Variants in FAM131C observed in about 807,000 individuals in gnomAD.
The protein encoded by FAM131C is protein FAM131C.
Under a neutral mutation model 29.8 loss-of-function variants are expected in FAM131C, and 14 were observed. That is an observed-to-expected ratio of 0.47 (90% CI 0.31 to 0.73). FAM131C has a LOEUF of 0.73. Among genes scored for constraint, FAM131C ranks in the 30% least tolerant of loss-of-function variants. FAM131C has a pLI of 0.05. For missense variants in FAM131C, 252 were observed against 383.8 expected (o/e 0.66, Z 2.87); for synonymous variants, 86 against 157.8 (o/e 0.54, Z 3.41).
chr1:16,068,164 GT>G (rs1245108855), intron 1 of FAM131C, among the ~76,000 whole-genome samples: 1 of 152,240 alleles, frequency 6.6e-6, no homozygotes, highest in Non-Finnish European at 1.5e-5. Context: ...CAGCTGTGAT[GT>G]GCCGGGCTCT....
chr1:16,063,909 A>C (rs545741799), intron 1 of FAM131C, among the ~76,000 whole-genome samples: 1 of 151,084 alleles, frequency 6.6e-6, no homozygotes, highest in African/African-American at 2.4e-5. Flanking sequence ...CCTCGTGGAG[A>C]TCTTTAATCC....
chr1:16,059,486 G>A lies in FAM131C; in HGVS notation c.562+8C>T, dbSNP rs559072387. 1,243 of 1,611,048 alleles carry A rather than the reference G, an allele frequency of 7.7e-4. No individual in the cohort carries two copies. The highest frequency in any genetic ancestry group is 1.0e-3 in the Non-Finnish European group (1,182 of 1,178,638). Reference sequence around the variant, plus strand: ...CCACCCCCGCCCCCTGGACCCTCTGGGCTGTACCTTGGAGCTGGACGATGC... The same window carrying A: ...CCACCCCCGCCCCCTGGACCCTCTGAGCTGTACCTTGGAGCTGGACGATGC... On this transcript the variant is annotated splice_region_variant and intron_variant, in intron 6 of 6. Transcript: ENST00000375662.
intron 1 of FAM131C, among the ~76,000 whole-genome samples, chr1:16,072,444 T>A (rs1355661402): frequency 5.9e-5 from 9 of 152,162 alleles, no homozygotes; most frequent in Middle Eastern, 3.4e-3. Context: ...GTCAGTGGGT[T>A]TGGCCTCAGC....
rs765449697 is a variant in FAM131C, at chr1:16,059,636, G to T, written c.452-32C>A. 3 of 1,542,900 alleles carry T rather than the reference G, an allele frequency of 1.9e-6. No homozygotes were observed. The South Asian group carries it at 3.6e-5, about 18-fold the overall frequency. On this transcript the variant is annotated intron_variant, in intron 5 of 6. Coordinates refer to ENST00000375662, the MANE Select transcript of FAM131C (RefSeq NM_182623.3). ...GAACAGCGAGATCCAGCTCAGGGGGGCATGGGTGGGGACGGCCTCAGTGCC... is the reference window on the plus strand; with the variant it reads ...GAACAGCGAGATCCAGCTCAGGGGGTCATGGGTGGGGACGGCCTCAGTGCC...
At chr1:16,071,694 G>T (rs1430255156) in intron 1 of FAM131C, among the ~76,000 whole-genome samples, 2 of 152,216 alleles carry the variant, frequency 1.3e-5, no homozygotes, top group Admixed American at 6.5e-5. Context: ...GCAGAAGGAA[G>T]GGTGGAGAGA....
In FAM131C at chr1:16,067,396, C is replaced by G. The variant is rs140186993; in HGVS notation, c.23-3760G>C. On this transcript the variant is annotated intron_variant, in intron 1 of 6. Coordinates refer to ENST00000375662, the MANE Select transcript of FAM131C (RefSeq NM_182623.3). ...GGAGGCAGCCCGAAGGGACCGCTAG[C>G]ACCTGCTCCTGTGGCTCCCTCTCCC... Among the ~76,000 whole-genome samples the G allele has an allele frequency of 4.2e-3, 633 of 152,294 alleles. 7 individuals are homozygous for G. Among genetic ancestry groups the G allele is most frequent in the African/African-American group, 0.014 (596 of 41,566 alleles).
chr1:16,063,595 C>G lies in FAM131C; in HGVS notation c.64G>C (p.Gly22Arg). ...SAHKNCPMPQ[G>R]ADPLNPDLPS... Reference sequence around the variant, plus strand: ...AGATCTGGGTTCAAGGGGTCCGCACCCTGGGGCATGGGGCAGTTCTTGTGG... The same window carrying G: ...AGATCTGGGTTCAAGGGGTCCGCACGCTGGGGCATGGGGCAGTTCTTGTGG... The change falls in exon 2 of 7, where the codon GGT (glycine) becomes CGT (arginine). Residue 22 changes from glycine (G) to arginine (R), a missense_variant. By Grantham distance (125) the Gly-to-Arg change is moderately radical (BLOSUM62 -2). Transcript: ENST00000375662. 2 of 1,613,442 alleles carry G rather than the reference C, an allele frequency of 1.2e-6. No homozygotes were observed. The highest frequency in any genetic ancestry group is 1.7e-6 in the Non-Finnish European group (2 of 1,179,682).
chr1:16,059,462 C>A, intron 6 of FAM131C, 32 bp downstream of exon 6: 1 of 1,583,886 alleles, frequency 6.3e-7, no homozygotes, highest in Non-Finnish European at 8.6e-7. Flanking sequence ...CCACTCTGCC[C>A]ACCCCCGCCC....
At chr1:16,060,992 G>A (rs559734607) in intron 4 of FAM131C, among the ~76,000 whole-genome samples, 31 of 152,260 alleles carry the variant, frequency 2.0e-4, no homozygotes, top group Non-Finnish European at 2.1e-4. Flanking sequence ...TGTTGTATGC[G>A]GAAGATGGAG....
chr1:16,059,473 C>A lies in FAM131C; in HGVS notation c.562+21G>T. The A allele has an allele frequency of 1.9e-6, 3 of 1,610,784 alleles. No individual in the cohort carries two copies. The East Asian group carries it at 6.7e-5, about 36-fold the overall frequency. ...AGCTCCACTCTGCCCACCCCCGCCC[C>A]CTGGACCCTCTGGGCTGTACCTTGG... On this transcript the variant is annotated intron_variant, in intron 6 of 6. Transcript: ENST00000375662.
intron 1 of FAM131C, among the ~76,000 whole-genome samples, chr1:16,070,618 C>G (rs767503435): frequency 3.9e-5 from 6 of 152,050 alleles, no homozygotes; most frequent in Non-Finnish European, 8.8e-5. Flanking sequence ...ATAGTGAGAG[C>G]CTGTCTCTAT....
chr1:16,067,381 C>T (rs371598440), intron 1 of FAM131C, among the ~76,000 whole-genome samples: 9 of 152,226 alleles, frequency 5.9e-5, no homozygotes, highest in South Asian at 2.1e-4. Flanking sequence ...GGAGGCAGCC[C>T]GAAGGGACCG....
intron 6 of FAM131C, 60 bp from the exon 7 acceptor site, chr1:16,058,777 T>TG: frequency 1.4e-6 from 2 of 1,425,032 alleles, no homozygotes; most frequent in East Asian, 2.4e-5. Context: ...TCGCCCTCTC[T>TG]GGGGGTGTGA....
chr1:16,063,282 G>T (rs2023629457), intron 2 of FAM131C, among the ~76,000 whole-genome samples: 1 of 152,072 alleles, frequency 6.6e-6, no homozygotes, highest in Non-Finnish European at 1.5e-5. Flanking sequence ...GAGTTAATTT[G>T]CGCAGGAAGA....
At chr1:16,059,723 C>G in intron 5 of FAM131C, 119 bp from the exon 6 acceptor site, 1 of 603,570 alleles carries the variant, frequency 1.7e-6, no homozygotes, top group Non-Finnish European at 2.0e-6. Flanking sequence ...CAATCCACAC[C>G]CCAGTGGTCA....
At position 16,063,456 on chromosome 1, in the gene FAM131C, T is replaced by G. The variant is rs920908009; in HGVS notation, c.138+65A>C. The G allele has an allele frequency of 4.8e-6, 6 of 1,259,646 alleles. No individual in the cohort carries two copies. In the African/African-American group the frequency reaches 8.9e-5, roughly 19 times the overall value. The allele number at this position is 1,259,646 out of a possible 1,614,324, so 78.0% of individuals were successfully genotyped here. ...GGAGACTGGAATGGATTCTGCTCCC[T>G]GCGGGGAGGAGACAGGCCGGGAACC... is the stretch of plus-strand genomic sequence containing the variant. On this transcript the variant is annotated intron_variant, in intron 2 of 6. Transcript: ENST00000375662.
At chr1:16,062,669 C>T (rs2023619560) in intron 2 of FAM131C, 135 bp from the exon 3 acceptor site, 1 of 1,324,232 alleles carries the variant, frequency 7.6e-7, no homozygotes. Context: ...TCTGCCCTCT[C>T]ATGGGTCATG....
At chr1:16,065,541 A>G (rs936065061) in intron 1 of FAM131C, among the ~76,000 whole-genome samples, 2 of 152,124 alleles carry the variant, frequency 1.3e-5, no homozygotes, top group Non-Finnish European at 1.5e-5. Flanking sequence ...GGCGCCCTGC[A>G]TGGCTTCTAA....
intron 1 of FAM131C, among the ~76,000 whole-genome samples, chr1:16,071,378 C>T (rs1024571345): frequency 1.3e-5 from 2 of 152,194 alleles, no homozygotes; most frequent in Admixed American, 1.3e-4. Context: ...CTCAGTTTTC[C>T]CACTTGTAAG....
Sources: gnomAD v4.1 joint callset for allele counts (sites outside exome capture counted in the v4.1 genomes callset) on GRCh38, gnomAD v4.1.1 for gene constraint, MANE v1.5 for transcripts, NCBI Gene and HGNC (gene_info 2026-07-23, HGNC 2026-07-21) for gene names.